The following TENM3 variants were observed in gnomAD, a reference collection of about 807,000 sequenced individuals.
The protein encoded by TENM3 is teneurin-3.
A neutral mutation model predicts 255.1 loss-of-function variants in TENM3; 63 were observed. The ratio of observed to expected loss-of-function variants is 0.25; its 90% CI spans 0.20 to 0.30. The LOEUF is 0.30. Among genes scored for constraint, TENM3 ranks in the 10% least tolerant of loss-of-function variants. TENM3 has a pLI of 1.00. For missense variants in TENM3, 2,929 were observed against 3,461.1 expected (o/e 0.85, Z 3.86); for synonymous variants, 1,306 against 1,322.3 (o/e 0.99, Z 0.27).
At chr4:182,794,841 AAG>A (rs1766376471) in intron 26 of TENM3, among the ~76,000 whole-genome samples, 1 of 152,100 alleles carries the variant, frequency 6.6e-6, no homozygotes, top group Non-Finnish European at 1.5e-5. Flanking sequence ...CCTCTACTCC[AAG>A]AATTCTGAAT....
chr4:182,092,667 A>T, the TENM3 span, among the ~76,000 whole-genome samples: 4 of 152,208 alleles, frequency 2.6e-5, no homozygotes, highest in South Asian at 2.1e-4. Context: ...ATAAACATAA[A>T]TCTATAAATA....
chr4:181,884,128 G>A, the TENM3 span, among the ~76,000 whole-genome samples: 14 of 152,174 alleles, frequency 9.2e-5, no homozygotes, highest in Middle Eastern at 3.4e-3. Context: ...AAGTTTATCT[G>A]GCAATTGGAC....
chr4:182,442,732 C>T (rs1772586100), intron 3 of TENM3, among the ~76,000 whole-genome samples: 1 of 151,662 alleles, frequency 6.6e-6, no homozygotes, highest in South Asian at 2.1e-4. Flanking sequence ...ACTGGGACTA[C>T]AGGCATATGC....
the TENM3 span, among the ~76,000 whole-genome samples, chr4:182,080,255 T>C: frequency 2.0e-5 from 3 of 152,196 alleles, no homozygotes; most frequent in Non-Finnish European, 4.4e-5. Context: ...CTGTAAAATA[T>C]CGTACCTTGA....
the TENM3 span, among the ~76,000 whole-genome samples, chr4:181,641,992 T>C: frequency 1.8e-4 from 27 of 151,482 alleles, no homozygotes; most frequent in African/African-American, 6.5e-4. Context: ...TACCCAGTAA[T>C]GGGATTGCTG....
the TENM3 span, among the ~76,000 whole-genome samples, chr4:181,478,482 C>T: frequency 6.6e-6 from 1 of 152,186 alleles, no homozygotes; most frequent in Non-Finnish European, 1.5e-5. Flanking sequence ...ACAGGGATCA[C>T]CATGAAAGCC....
At chr4:181,775,811 A>G in the TENM3 span, among the ~76,000 whole-genome samples, 1 of 152,158 alleles carries the variant, frequency 6.6e-6, no homozygotes, top group Admixed American at 6.6e-5. Flanking sequence ...ATATTTGTAC[A>G]TATTTATGGG....
intron 3 of TENM3, among the ~76,000 whole-genome samples, chr4:182,473,267 A>C (rs1733307814): frequency 6.6e-6 from 1 of 152,224 alleles, no homozygotes; most frequent in Admixed American, 6.5e-5. Context: ...ATAGAAACAA[A>C]GATCTTCTTT....
At chr4:182,079,889 G>A in the TENM3 span, 1 of 152,346 alleles carries the variant, frequency 6.6e-6, no homozygotes, top group Non-Finnish European at 1.5e-5. Context: ...GAGTCAGCGA[G>A]GAAAGCAAAA....
At chr4:182,419,828 C>T (rs919338731) in intron 3 of TENM3, among the ~76,000 whole-genome samples, 3 of 143,442 alleles carry the variant, frequency 2.1e-5, no homozygotes, top group African/African-American at 7.8e-5. Flanking sequence ...AATGAGAACA[C>T]TTGGACACGG....
intron 3 of TENM3, among the ~76,000 whole-genome samples, chr4:182,598,297 A>G (rs941605216): frequency 1.3e-5 from 2 of 152,148 alleles, no homozygotes; most frequent in Non-Finnish European, 2.9e-5. Context: ...CATCAGCTGG[A>G]TTTGTTTTAT....
At chr4:182,553,037 G>C (rs561143847) in intron 3 of TENM3, among the ~76,000 whole-genome samples, 1 of 152,278 alleles carries the variant, frequency 6.6e-6, no homozygotes, top group East Asian at 1.9e-4. Context: ...AGCAAGGGCA[G>C]CCCTCTCGTA....
chr4:182,554,024 T>C (rs528724296), intron 3 of TENM3, among the ~76,000 whole-genome samples: 2 of 152,342 alleles, frequency 1.3e-5, no homozygotes, highest in Admixed American at 1.3e-4. Flanking sequence ...CCTTCTGTGC[T>C]GTATTACTTG....
At chr4:182,404,191 A>G (rs1056542081) in intron 3 of TENM3, among the ~76,000 whole-genome samples, 13 of 152,152 alleles carry the variant, frequency 8.5e-5, no homozygotes, top group African/African-American at 3.1e-4. Flanking sequence ...CACAGCCTTT[A>G]CTTTCTCCAG....
At chr4:182,403,656 C>T (rs1330632895) in intron 3 of TENM3, among the ~76,000 whole-genome samples, 1 of 152,176 alleles carries the variant, frequency 6.6e-6, no homozygotes, top group African/African-American at 2.4e-5. Context: ...ATTCTTACCA[C>T]CGTGGAACAA....
intron 3 of TENM3, among the ~76,000 whole-genome samples, chr4:182,517,354 G>A: frequency 6.9e-6 from 1 of 145,738 alleles, no homozygotes; most frequent in Non-Finnish European, 1.5e-5. Flanking sequence ...TCTGTTATTT[G>A]GTTTAAAAAA....
intron 1 of TENM3, among the ~76,000 whole-genome samples, chr4:182,209,624 T>G (rs1754845396): frequency 6.6e-6 from 1 of 152,130 alleles, no homozygotes; most frequent in Admixed American, 6.5e-5. Flanking sequence ...CCTGGTGGCC[T>G]GGGAGAATTC....
the TENM3 span, among the ~76,000 whole-genome samples, chr4:181,888,591 C>CGCGTGTGTGT: frequency 1.1e-5 from 1 of 90,176 alleles, no homozygotes; most frequent in African/African-American, 4.9e-5. Flanking sequence ...TATATATATG[C>CGCGTGTGTGT]GTGTGTGTGT....
At chr4:181,843,859 A>G in the TENM3 span, among the ~76,000 whole-genome samples, 1 of 151,456 alleles carries the variant, frequency 6.6e-6, no homozygotes, top group African/African-American at 2.4e-5. Flanking sequence ...ATCTGGGATT[A>G]CAGGTGCCTG....
Sources: allele counts gnomAD v4.1 joint callset (sites outside exome capture counted in the v4.1 genomes callset), GRCh38; gene constraint gnomAD v4.1.1; transcripts MANE v1.5; gene names NCBI Gene and HGNC (gene_info 2026-07-23, HGNC 2026-07-21).